The following CEP128 variants were observed in gnomAD, a reference collection of about 807,000 sequenced individuals.
CEP128 encodes the protein centrosomal protein 128, also known as centrosomal protein 128kDa.
CEP128 carries 132 observed loss-of-function variants against 156.7 expected under a neutral mutation model. The observed-to-expected ratio is 0.84, with a 90% CI of 0.73 to 0.97. The LOEUF (loss-of-function observed/expected upper bound fraction) is 0.97. Ranked by LOEUF, CEP128 falls within the 50% of genes least tolerant of loss-of-function variation. The pLI is 0.00. For missense variants in CEP128, 1,252 were observed against 1,281.9 expected (o/e 0.98, Z 0.36); for synonymous variants, 469 against 448.9 (o/e 1.04, Z -0.57).
chr14:80,615,537 G>A (rs906601050), intron 19 of CEP128, among the ~76,000 whole-genome samples: 2 of 152,142 alleles, frequency 1.3e-5, no homozygotes, highest in East Asian at 3.8e-4. Context: ...AATCCAGAGG[G>A]GGCAGGGAAA....
Position 80,631,563 on chromosome 14 carries a change from C to CAAT in CEP128, c.2807-51141_2807-51140insATT, listed in dbSNP as rs1306135651. ...CTACTGTTTGTTTCTATATGTGATTCGGTATCTGCAAAGATCAATGAGTAA... is the reference window on the plus strand; with the variant it reads ...CTACTGTTTGTTTCTATATGTGATTCAATGGTATCTGCAAAGATCAATGAGTAA... On this transcript the variant is annotated intron_variant, in intron 19 of 24. Transcript: ENST00000555265. Among the ~76,000 whole-genome samples the CAAT allele has an allele frequency of 7.9e-5, 12 of 152,078 alleles. No homozygotes were observed. The Middle Eastern group carries it at 0.01, about 129-fold the overall frequency.
At chr14:80,765,501 A>G (rs2139705692) in intron 16 of CEP128, among the ~76,000 whole-genome samples, 1 of 152,368 alleles carries the variant, frequency 6.6e-6, no homozygotes, top group Non-Finnish European at 1.5e-5. Flanking sequence ...AAGATTAACA[A>G]AAAGTTACCA....
intron 2 of CEP128, among the ~76,000 whole-genome samples, chr14:80,925,372 G>T (rs1269385570): frequency 6.6e-6 from 1 of 152,070 alleles, no homozygotes; most frequent in Non-Finnish European, 1.5e-5. Flanking sequence ...TGAAAAACTA[G>T]GGGAAATTGT....
chr14:80,539,350 A>G (rs1889634135), intron 21 of CEP128, among the ~76,000 whole-genome samples: 1 of 152,176 alleles, frequency 6.6e-6, no homozygotes. Context: ...GAGGAAAGCA[A>G]TGGGGACAGG....
chr14:80,567,622 G>C (rs539570865), intron 20 of CEP128, among the ~76,000 whole-genome samples: 2 of 152,090 alleles, frequency 1.3e-5, no homozygotes, highest in South Asian at 4.1e-4. Flanking sequence ...TGGTACATAG[G>C]TGTGTGCTAC....
rs1286580647 is a variant in CEP128 at position 80,904,836 on chromosome 14, G to T, written c.457C>A (p.Gln153Lys). The T allele has an allele frequency of 1.2e-6, 2 of 1,600,288 alleles. No individual in the cohort carries two copies. Among genetic ancestry groups the T allele is most frequent in the Non-Finnish European group, 1.7e-6 (2 of 1,167,494 alleles). ...MRSRTGVRFV[Q>K]ETDDMTQLHG... The stretch of plus-strand genomic sequence containing the variant: ...ACCTGAGTCATATCATCAGTCTCTT[G>T]AACAAACCGGACACCAGTTCTTGAT... Residue 153 changes from glutamine to lysine, a missense_variant, in exon 6 of 25, where the codon CAA (glutamine) becomes AAA (lysine). Gln to Lys is a moderately conservative substitution (Grantham distance 53). Transcript: ENST00000555265.
chr14:80,935,054 G>A lies in CEP128; in HGVS notation c.-16+4331C>T, dbSNP rs189571083. 8.4e-3 allele frequency among the ~76,000 whole-genome samples: 1,277 copies of A among 152,186 alleles called. 13 individuals carry two copies. The highest frequency in any genetic ancestry group is 0.01 in the Non-Finnish European group (689 of 68,006). ...CAGAAAACAGAACTAAGGCTTAAAG[G>A]AGCAAAGTAACTTAAGTGGCAGAGC... is the stretch of plus-strand genomic sequence containing the variant. On this transcript the variant is annotated intron_variant, in intron 2 of 24. Coordinates refer to ENST00000555265, the MANE Select transcript of CEP128 (RefSeq NM_152446.5).
At chr14:80,583,891 T>C (rs1891694065) in intron 19 of CEP128, among the ~76,000 whole-genome samples, 1 of 152,184 alleles carries the variant, frequency 6.6e-6, no homozygotes, top group Non-Finnish European at 1.5e-5. Context: ...AAATGTTTCA[T>C]CCTACAACAA....
intron 19 of CEP128, among the ~76,000 whole-genome samples, chr14:80,740,449 T>TACACACACACAC (rs58752743): frequency 0.044 from 6,500 of 146,132 alleles, 156 homozygotes; most frequent in Middle Eastern, 0.065. Flanking sequence ...TATATACACA[T>TACACACACACAC]ACACACACAC....
chr14:80,626,862 A>T (rs956327412), intron 19 of CEP128, among the ~76,000 whole-genome samples: 6 of 152,102 alleles, frequency 3.9e-5, no homozygotes, highest in Admixed American at 3.9e-4. Flanking sequence ...CCCAGGAGGC[A>T]GAGGTTGCAG....
rs939352323 is a variant in CEP128 at position 80,825,903 on chromosome 14, C to T, written c.1209+5240G>A. On this transcript the variant is annotated intron_variant, in intron 13 of 24. Coordinates refer to ENST00000555265, the MANE Select transcript of CEP128 (RefSeq NM_152446.5). ...CGGGCGGATCATGAGGTCAGGAGTT[C>T]GAGACCAGCCTCGCCAACATGGTGA... Among the ~76,000 whole-genome samples, 5 of 151,928 alleles carry T rather than the reference C, an allele frequency of 3.3e-5. No homozygotes were observed. The East Asian group carries it at 5.8e-4, about 18-fold the overall frequency.
In CEP128 at chr14:80,955,494, C is replaced by A. The variant is rs538770774; in HGVS notation, c.-172+2684G>T. ...GTCAAGGTTGCCTAGGGAAGCGGAG[C>A]ACTTAAGTGCCTCTTTTTCCCCTTC... On this transcript the variant is annotated intron_variant, in intron 2 of 7. Coordinates refer to the CEP128 transcript ENST00000555529. 76 of 691,628 alleles carry A rather than the reference C, an allele frequency of 1.1e-4. No individual in the cohort carries two copies. The African/African-American group carries it at 1.3e-3, about 11-fold the overall frequency. 42.8% of individuals were successfully genotyped at this position (691,628 alleles called of 1,614,324 possible). A position where few individuals can be genotyped will look rare whatever the true frequency, so the allele number is the denominator to read the frequency against.
chr14:80,483,599 C>T (rs916782179), intron 14 of CEP128, among the ~76,000 whole-genome samples: 2 of 152,080 alleles, frequency 1.3e-5, no homozygotes, highest in Non-Finnish European at 1.5e-5. Flanking sequence ...AATTTGGCTA[C>T]CAAAACCAGT....
At chr14:80,934,525 C>T (rs1447084274) in intron 2 of CEP128, among the ~76,000 whole-genome samples, 2 of 152,194 alleles carry the variant, frequency 1.3e-5, no homozygotes, top group African/African-American at 4.8e-5. Context: ...CAAAGCTTGG[C>T]TTAACCTCAG....
At chr14:80,658,562 T>C (rs1895270565) in intron 19 of CEP128, among the ~76,000 whole-genome samples, 1 of 152,172 alleles carries the variant, frequency 6.6e-6, no homozygotes, top group African/African-American at 2.4e-5. Context: ...TATTACTATA[T>C]TCCAAAAACA....
chr14:80,888,799 T>A (rs7144428), intron 8 of CEP128, among the ~76,000 whole-genome samples: 3 of 151,806 alleles, frequency 2.0e-5, no homozygotes, highest in Non-Finnish European at 4.4e-5. Context: ...GCAAGAGAAA[T>A]AAATAAAGGG....
At chr14:80,843,092 GA>G (rs1204579990) in intron 9 of CEP128, among the ~76,000 whole-genome samples, 3 of 151,874 alleles carry the variant, frequency 2.0e-5, no homozygotes, top group Non-Finnish European at 4.4e-5. Context: ...AAGGGGAAAA[GA>G]AAAATGTTTG....
intron 9 of CEP128, among the ~76,000 whole-genome samples, chr14:80,861,235 A>T (rs1252970321): frequency 1.3e-5 from 2 of 152,046 alleles, no homozygotes; most frequent in African/African-American, 2.4e-5. Flanking sequence ...CAAAAGTACA[A>T]TAGAAATTTA....
At chr14:80,896,823 CCTT>C (rs558561393) in intron 7 of CEP128, among the ~76,000 whole-genome samples, 171 of 152,244 alleles carry the variant, frequency 1.1e-3, no homozygotes, top group African/African-American at 3.8e-3. Context: ...TTTTTGAAGA[CCTT>C]CTTCTCAAAG....
Sources: allele counts gnomAD v4.1 joint callset (sites outside exome capture counted in the v4.1 genomes callset), GRCh38; gene constraint gnomAD v4.1.1; transcripts MANE v1.5; gene names NCBI Gene and HGNC (gene_info 2026-07-23, HGNC 2026-07-21).